Variants in TULP4 observed in about 807,000 individuals in gnomAD.
TULP4 encodes the protein TUB like protein 4.
In TULP4, 16 loss-of-function variants were observed where a neutral mutation model predicts 129.0. That is an observed-to-expected ratio of 0.12 (90% confidence interval 0.08 to 0.19). TULP4 has a LOEUF of 0.19. Among genes scored for constraint, TULP4 ranks in the 10% least tolerant of loss-of-function variants. The probability of loss-of-function intolerance (pLI) is 1.00; values close to 1 mark genes in which losing one functional copy is unlikely to be tolerated. For synonymous variants in TULP4, 998 were observed against 854.0 expected (o/e 1.17, Z -2.94); for missense variants, 1,842 against 2,059.1 (o/e 0.89, Z 2.04).
rs74631498 is a variant in TULP4, at chr6:158,367,018, C to T, written c.253-46047C>T. ...GCTTTTCCAGTTTTATTTGCCTTCC[C>T]AATTCTTATTTTCTAAGCTGGACTT... On this transcript the variant is annotated intron_variant, in intron 1 of 13. Transcript: ENST00000367097. Among the ~76,000 whole-genome samples the T allele has an allele frequency of 8.9e-4, 135 of 151,876 alleles. 4 individuals are homozygous for T. The East Asian group carries it at 0.023, about 26-fold the overall frequency.
chr6:158,332,162 ACT>A (rs1229938996), intron 1 of TULP4, among the ~76,000 whole-genome samples: 2 of 104,614 alleles, frequency 1.9e-5, no homozygotes, highest in African/African-American at 7.0e-5. Context: ...ACAGAGTAAG[ACT>A]CTGTCAAAAA....
chr6:158,237,640 G>A (rs1045114515), intron 1 of TULP4: 4 of 1,349,466 alleles, frequency 3.0e-6, no homozygotes, highest in Non-Finnish European at 4.2e-6. Context: ...TGGATCTGGG[G>A]TAAGTTTTGG....
At chr6:158,304,765 C>G (rs1779186915) in intron 1 of TULP4, among the ~76,000 whole-genome samples, 1 of 151,746 alleles carries the variant, frequency 6.6e-6, no homozygotes, top group Admixed American at 6.6e-5. Flanking sequence ...TTCCCGGGCT[C>G]AAGCAATCCT....
intron 1 of TULP4, among the ~76,000 whole-genome samples, chr6:158,240,268 C>T (rs1777852369): frequency 2.5e-5 from 2 of 79,180 alleles, no homozygotes; most frequent in African/African-American, 4.4e-5. Flanking sequence ...GGCAGAGGGG[C>T]TCCTCACTTC....
Position 158,498,702 on chromosome 6 carries a change from C to T in TULP4, c.1904C>T (p.Pro635Leu). The change falls in exon 12 of 14, where the codon CCG becomes CTG. Residue 635 changes from proline (P) to leucine (L), a missense_variant. By Grantham distance (98) the Pro-to-Leu change is moderately conservative. Transcript: ENST00000367097. ...AAAACCAGCCTCCTGCATCTCCAGC[C>T]GCGGCAGATGACCATTTATCTCCCA... The part of the protein sequence containing the change: ...IYKTSLLHLQ[P>L]RQMTIYLPEV... 6.2e-7 allele frequency: 1 copy of T among 1,614,174 alleles called. No homozygotes were observed. The highest frequency in any genetic ancestry group is 8.5e-7 in the Non-Finnish European group (1 of 1,180,040).
At chr6:158,428,973 A>G (rs1778566458) in intron 2 of TULP4, among the ~76,000 whole-genome samples, 1 of 152,208 alleles carries the variant, frequency 6.6e-6, no homozygotes, top group Non-Finnish European at 1.5e-5. Context: ...AGTCAGTTTC[A>G]ATCATTTTTC....
intron 1 of TULP4, among the ~76,000 whole-genome samples, chr6:158,269,316 A>G (rs1368838172): frequency 6.6e-6 from 1 of 151,478 alleles, no homozygotes; most frequent in Non-Finnish European, 1.5e-5. Context: ...AAGCTATGTC[A>G]CTAATAGCCT....
intron 1 of TULP4, among the ~76,000 whole-genome samples, chr6:158,320,647 G>A (rs1779604481): frequency 1.3e-5 from 2 of 152,078 alleles, no homozygotes; most frequent in Non-Finnish European, 1.5e-5. Context: ...GACCAGGCTG[G>A]TCTCAAACTC....
chr6:158,424,427 T>C (rs1778427748), intron 2 of TULP4, among the ~76,000 whole-genome samples: 1 of 152,128 alleles, frequency 6.6e-6, no homozygotes, highest in Non-Finnish European at 1.5e-5. Flanking sequence ...TTTTTGCATT[T>C]TGAGTAGAAA....
At chr6:158,311,630 A>G (rs1446337639), upstream of TULP4, among the ~76,000 whole-genome samples, 1 of 152,212 alleles carries the variant, frequency 6.6e-6, no homozygotes, top group South Asian at 2.1e-4. Context: ...ATTAATCGTG[A>G]AAAAATCAAT....
intron 1 of TULP4, among the ~76,000 whole-genome samples, chr6:158,350,823 C>T (rs1477696280): frequency 1.3e-5 from 2 of 151,378 alleles, no homozygotes; most frequent in African/African-American, 4.9e-5. Context: ...TGAAGTGGTG[C>T]AATCTCGGCT....
chr6:158,436,529 A>C (rs1173253839), intron 3 of TULP4, among the ~76,000 whole-genome samples: 1 of 152,222 alleles, frequency 6.6e-6, no homozygotes, highest in Non-Finnish European at 1.5e-5. Flanking sequence ...TATTTAAAGA[A>C]TATTCTATAG....
At chr6:158,424,639 G>A (rs925615329) in intron 2 of TULP4, among the ~76,000 whole-genome samples, 2 of 152,170 alleles carry the variant, frequency 1.3e-5, no homozygotes, top group Admixed American at 6.5e-5. Context: ...TTATTTAGGG[G>A]TAATGACAAG....
intron 1 of TULP4, among the ~76,000 whole-genome samples, chr6:158,406,265 G>C (rs1430008467): frequency 1.3e-5 from 2 of 152,082 alleles, no homozygotes; most frequent in Non-Finnish European, 2.9e-5. Flanking sequence ...TCATCTGTGA[G>C]CCAGAGCACT....
At chr6:158,254,373 C>T (rs58421309) in intron 1 of TULP4, among the ~76,000 whole-genome samples, 3 of 152,104 alleles carry the variant, frequency 2.0e-5, no homozygotes, top group East Asian at 3.9e-4. Context: ...AAACTCCTGA[C>T]CTCAAGTGAT....
intron 4 of TULP4, 115 bp downstream of exon 4, chr6:158,449,291 C>T (rs929872692): frequency 7.1e-6 from 8 of 1,126,904 alleles, no homozygotes; most frequent in East Asian, 2.5e-5. Flanking sequence ...CTACGGCACC[C>T]GGGCTTCCTG....
At chr6:158,468,702 T>C (rs1313778562) in intron 6 of TULP4, among the ~76,000 whole-genome samples, 1 of 152,210 alleles carries the variant, frequency 6.6e-6, no homozygotes, top group African/African-American at 2.4e-5. Flanking sequence ...GAAAATACCT[T>C]AGACTGGGTG....
rs1473375121 is a variant in TULP4 at position 158,493,973 on chromosome 6, C to T, written c.1776+256C>T. 2.6e-5 allele frequency among the ~76,000 whole-genome samples: 4 copies of T among 152,140 alleles called. No individual in the cohort carries two copies. Among genetic ancestry groups the T allele is most frequent in the Admixed American group, 6.5e-5 (1 of 15,282 alleles). ...TCCCACTTCCCATCACAGCTCCCACCGTCCAGCCCTGCCTGCCTTTCCCTC... is the reference window on the plus strand; with the variant it reads ...TCCCACTTCCCATCACAGCTCCCACTGTCCAGCCCTGCCTGCCTTTCCCTC... On this transcript the variant is annotated intron_variant, in intron 10 of 13. Transcript: ENST00000367097. The surrounding 1 kb of genome is among the most constrained non-coding windows in gnomAD (Gnocchi z 4.4).
intron 3 of TULP4, among the ~76,000 whole-genome samples, chr6:158,436,339 T>G (rs1418070158): frequency 6.6e-6 from 1 of 152,232 alleles, no homozygotes; most frequent in African/African-American, 2.4e-5. Flanking sequence ...CCAGCTTAAC[T>G]GAAAGTATTT....
Sources: allele counts gnomAD v4.1 joint callset (sites outside exome capture counted in the v4.1 genomes callset), GRCh38; gene constraint gnomAD v4.1.1; non-coding constraint Gnocchi (gnomAD v3.1); transcripts MANE v1.5; gene names NCBI Gene and HGNC (gene_info 2026-07-23, HGNC 2026-07-21).